The following COL25A1 variants were observed in gnomAD, a reference collection of about 807,000 sequenced individuals.
COL25A1 encodes collagen alpha-1(XXV) chain.
A neutral mutation model predicts 128.4 loss-of-function variants in COL25A1; 103 were observed. That is an observed-to-expected ratio of 0.80 (90% confidence interval 0.68 to 0.94). The LOEUF is 0.94. COL25A1 is among the 40% of genes least tolerant of loss of function. The pLI is 0.00. For synonymous variants in COL25A1, 279 were observed against 277.2 expected, an observed-to-expected ratio of 1.01 and a Z score of -0.06; for missense variants, 745 against 840.0, an observed-to-expected ratio of 0.89 and a Z score of 1.40.
intron 8 of COL25A1, among the ~76,000 whole-genome samples, chr4:108,942,483 GCTCAGGCTGGAGTGC>G (rs557427603): frequency 0.016 from 2,372 of 150,134 alleles, 25 homozygotes; most frequent in Non-Finnish European, 0.022. Context: ...TCACTCTGTT[GCTCAGGCTGGAGTGC>G]AGTGGCCTGA....
chr4:109,177,908 G>T (rs191503185), intron 3 of COL25A1, among the ~76,000 whole-genome samples: 6 of 152,216 alleles, frequency 3.9e-5, no homozygotes, highest in African/African-American at 1.2e-4. Flanking sequence ...CAAAAGAGCA[G>T]AGAGACATGT....
At chr4:108,873,532 T>C (rs1739030547) in intron 19 of COL25A1, among the ~76,000 whole-genome samples, 2 of 110,772 alleles carry the variant, frequency 1.8e-5, no homozygotes, top group Admixed American at 9.8e-5. Flanking sequence ...CTAGTAGTAG[T>C]AGTAGTAGTA....
chr4:109,234,166 T>C (rs946635623), intron 3 of COL25A1, among the ~76,000 whole-genome samples: 8 of 152,130 alleles, frequency 5.3e-5, no homozygotes, highest in Non-Finnish European at 1.2e-4. Flanking sequence ...CTAAAGTAAA[T>C]ATTCTTCCCA....
At chr4:109,050,917 AC>A (rs1760923339) in intron 3 of COL25A1, among the ~76,000 whole-genome samples, 1 of 151,470 alleles carries the variant, frequency 6.6e-6, no homozygotes, top group African/African-American at 2.4e-5. Context: ...GGTAAAGACC[AC>A]CAAGCTAGTA....
At chr4:108,835,945 C>T (rs1448385406) in intron 31 of COL25A1, among the ~76,000 whole-genome samples, 2 of 128,908 alleles carry the variant, frequency 1.6e-5, no homozygotes, top group African/African-American at 3.0e-5. Context: ...GATCTCAGTT[C>T]ACTGCAACCT....
At chr4:109,222,096 T>C (rs1778471196) in intron 3 of COL25A1, among the ~76,000 whole-genome samples, 1 of 138,166 alleles carries the variant, frequency 7.2e-6, no homozygotes, top group South Asian at 2.5e-4. Context: ...ATGGAGTCTC[T>C]CTCTGTCACC....
intron 28 of COL25A1, among the ~76,000 whole-genome samples, chr4:108,845,843 C>T (rs1735019713): frequency 6.6e-6 from 1 of 152,006 alleles, no homozygotes; most frequent in African/African-American, 2.4e-5. Flanking sequence ...AACCAGTTAC[C>T]ACCATCTTAT....
chr4:108,849,528 A>C (rs188928203), intron 26 of COL25A1, among the ~76,000 whole-genome samples: 15 of 152,344 alleles, frequency 9.8e-5, no homozygotes, highest in Non-Finnish European at 1.9e-4. Context: ...CATTAAAAGC[A>C]AATTTATACA....
intron 21 of COL25A1, 126 bp downstream of exon 21, chr4:108,863,193 G>T: frequency 1.2e-6 from 1 of 846,350 alleles, no homozygotes; most frequent in Non-Finnish European, 2.0e-6. Context: ...CAGTTGGTGT[G>T]CATTTCAACA....
chr4:109,270,357 G>A (rs1367329927), intron 3 of COL25A1, among the ~76,000 whole-genome samples: 1 of 152,164 alleles, frequency 6.6e-6, no homozygotes, highest in African/African-American at 2.4e-5. Flanking sequence ...AAGCTGATAA[G>A]CAACTTCAGC....
chr4:109,008,505 T>A (rs1014341147), intron 6 of COL25A1, among the ~76,000 whole-genome samples: 4 of 152,174 alleles, frequency 2.6e-5, no homozygotes, highest in African/African-American at 9.6e-5. Context: ...CTTTGGGATG[T>A]GGGAAAGAAG....
intron 3 of COL25A1, among the ~76,000 whole-genome samples, chr4:109,176,695 A>G (rs1368821424): frequency 6.6e-6 from 1 of 152,178 alleles, no homozygotes; most frequent in Non-Finnish European, 1.5e-5. Flanking sequence ...AGATGTAATT[A>G]AGTGAAAGAT....
chr4:109,106,844 T>C (rs1484912759), intron 3 of COL25A1, among the ~76,000 whole-genome samples: 9 of 152,186 alleles, frequency 5.9e-5, no homozygotes, highest in Non-Finnish European at 8.8e-5. Context: ...CATGGTTCAC[T>C]GCAGCCTTGA....
At chr4:109,106,339 G>A (rs1293969425) in intron 3 of COL25A1, among the ~76,000 whole-genome samples, 1 of 152,096 alleles carries the variant, frequency 6.6e-6, no homozygotes, top group Non-Finnish European at 1.5e-5. Context: ...CAACTACACT[G>A]ACTTAAAATC....
intron 6 of COL25A1, among the ~76,000 whole-genome samples, chr4:109,003,918 G>A (rs542169066): frequency 3.3e-5 from 5 of 152,040 alleles, no homozygotes; most frequent in Non-Finnish European, 5.9e-5. Context: ...CCAAGTTGCT[G>A]TGACATTATT....
At chr4:109,141,108 A>C (rs1442154891) in intron 3 of COL25A1, among the ~76,000 whole-genome samples, 1 of 152,082 alleles carries the variant, frequency 6.6e-6, no homozygotes, top group South Asian at 2.1e-4. Flanking sequence ...GATATGTTCC[A>C]TCAATACCTA....
intron 3 of COL25A1, among the ~76,000 whole-genome samples, chr4:109,159,115 C>T (rs150133893): frequency 2.6e-5 from 4 of 151,594 alleles, no homozygotes; most frequent in East Asian, 1.9e-4. Flanking sequence ...ATTAAACATG[C>T]TAAAAATTTT....
chr4:109,256,083 T>C (rs960960727), intron 3 of COL25A1, among the ~76,000 whole-genome samples: 18 of 132,564 alleles, frequency 1.4e-4, no homozygotes, highest in Admixed American at 1.0e-3. Flanking sequence ...ATTTTAAGCA[T>C]TGGTGTGTGT....
chr4:108,857,584 CTT>C (rs1415855555), intron 24 of COL25A1, among the ~76,000 whole-genome samples: 1 of 150,202 alleles, frequency 6.7e-6, no homozygotes, highest in Non-Finnish European at 1.5e-5. Flanking sequence ...AAAAAAACGA[CTT>C]AGTGCTCTAC....
Sources: allele counts gnomAD v4.1 joint callset (sites outside exome capture counted in the v4.1 genomes callset), GRCh38; gene constraint gnomAD v4.1.1; transcripts MANE v1.5; gene names NCBI Gene and HGNC (gene_info 2026-07-23, HGNC 2026-07-21).